Variants in ZBTB7C observed in about 807,000 individuals in gnomAD.
The protein encoded by ZBTB7C is zinc finger and BTB domain containing 7C.
In ZBTB7C, 8 loss-of-function variants were observed where a neutral mutation model predicts 25.7. That is an observed-to-expected ratio of 0.31 (90% CI 0.18 to 0.56). The LOEUF (loss-of-function observed/expected upper bound fraction) is 0.56. Among genes scored for constraint, ZBTB7C ranks in the 20% least tolerant of loss-of-function variants. The pLI, the probability that ZBTB7C is intolerant of heterozygous loss-of-function variation, is 0.91. For missense variants in ZBTB7C, 824 were observed against 855.2 expected (o/e 0.96, Z 0.46); for synonymous variants, 394 against 369.0 (o/e 1.07, Z -0.78).
At chr18:48,398,525 C>T (rs2048081364) in intron 1 of ZBTB7C, among the ~76,000 whole-genome samples, 1 of 152,170 alleles carries the variant, frequency 6.6e-6, no homozygotes, top group African/African-American at 2.4e-5. Flanking sequence ...GCACCTCACC[C>T]CAAGTCAAAG....
chr18:48,261,906 T>C (rs954422443), intron 2 of ZBTB7C, among the ~76,000 whole-genome samples: 3 of 152,368 alleles, frequency 2.0e-5, no homozygotes, highest in Admixed American at 1.3e-4. Context: ...TTGGCCTTCC[T>C]TGTACAGAAT....
intron 2 of ZBTB7C, among the ~76,000 whole-genome samples, chr18:48,329,452 C>T (rs909088733): frequency 6.6e-6 from 1 of 152,198 alleles, no homozygotes; most frequent in Non-Finnish European, 1.5e-5. Flanking sequence ...TGCTGAGGGG[C>T]TGCAGAAGGA....
At chr18:48,256,381 T>C (rs2044021027) in intron 2 of ZBTB7C, among the ~76,000 whole-genome samples, 1 of 150,514 alleles carries the variant, frequency 6.6e-6, no homozygotes, top group Non-Finnish European at 1.5e-5. Flanking sequence ...TTTAAAATAC[T>C]GAAAGAAAAA....
At chr18:48,075,338 C>T (rs2037720903) in intron 3 of ZBTB7C, among the ~76,000 whole-genome samples, 1 of 152,206 alleles carries the variant, frequency 6.6e-6, no homozygotes, top group Admixed American at 6.5e-5. Context: ...CAGATCTGCT[C>T]ATTCTTATCC....
At chr18:48,037,198 G>C (rs2036010385) in intron 4 of ZBTB7C, among the ~76,000 whole-genome samples, 1 of 152,232 alleles carries the variant, frequency 6.6e-6, no homozygotes, top group Non-Finnish European at 1.5e-5. Context: ...GGAACAAGTG[G>C]TGGGGGTGCT....
At chr18:48,052,318 G>A (rs190355082) in intron 3 of ZBTB7C, among the ~76,000 whole-genome samples, 36 of 152,322 alleles carry the variant, frequency 2.4e-4, no homozygotes, top group Non-Finnish European at 4.7e-4. Context: ...GAGTGGAAAT[G>A]GTTTAGATTT....
At chr18:48,220,116 G>C (rs1004202867) in intron 2 of ZBTB7C, among the ~76,000 whole-genome samples, 4 of 151,994 alleles carry the variant, frequency 2.6e-5, no homozygotes, top group Non-Finnish European at 5.9e-5. Context: ...TCTGGGACCA[G>C]AGATCCCAGG....
intron 2 of ZBTB7C, among the ~76,000 whole-genome samples, chr18:48,225,479 G>A (rs922915938): frequency 3.9e-5 from 6 of 152,198 alleles, no homozygotes; most frequent in South Asian, 2.1e-4. Context: ...CTCTGCTTTC[G>A]GTAGCATGGC....
At chr18:48,179,827 C>CCT (rs747481284) in intron 3 of ZBTB7C, among the ~76,000 whole-genome samples, 7 of 33,498 alleles carry the variant, frequency 2.1e-4, no homozygotes, top group Non-Finnish European at 3.2e-4. Flanking sequence ...TTCCTCCCTT[C>CCT]CCTTCAAGGA....
At chr18:48,204,975 T>TAA (rs1269750616) in intron 2 of ZBTB7C, among the ~76,000 whole-genome samples, 2 of 152,062 alleles carry the variant, frequency 1.3e-5, no homozygotes. Flanking sequence ...ACAGTGAGAA[T>TAA]AAAAAAGCAG....
chr18:48,354,593 A>G (rs1236976222), intron 1 of ZBTB7C, among the ~76,000 whole-genome samples: 2 of 152,148 alleles, frequency 1.3e-5, no homozygotes, highest in East Asian at 3.9e-4. Flanking sequence ...TTTATACCAC[A>G]TGAATAGAGC....
intron 3 of ZBTB7C, chr18:48,162,498 C>G (rs988371101): frequency 1.2e-5 from 5 of 428,150 alleles, no homozygotes; most frequent in South Asian, 8.0e-5. Flanking sequence ...CTATTATTAC[C>G]TCTTCCCCCA....
At chr18:48,364,022 C>A (rs1414842381) in intron 1 of ZBTB7C, 3 of 152,274 alleles carry the variant, frequency 2.0e-5, no homozygotes, top group Non-Finnish European at 2.9e-5. Flanking sequence ...CAGCTGCCAG[C>A]AGCTTCTCCT....
chr18:48,157,211 C>A (rs1323042424), intron 3 of ZBTB7C, among the ~76,000 whole-genome samples: 1 of 152,086 alleles, frequency 6.6e-6, no homozygotes, highest in Non-Finnish European at 1.5e-5. Context: ...GCATTAACAG[C>A]AAGAAGAATC....
At chr18:48,216,987 C>T (rs2042839524) in intron 2 of ZBTB7C, among the ~76,000 whole-genome samples, 2 of 152,104 alleles carry the variant, frequency 1.3e-5, no homozygotes, top group South Asian at 2.1e-4. Flanking sequence ...CACCAGCATG[C>T]GCAGGAAGGC....
At chr18:48,226,436 G>A (rs981716567) in intron 2 of ZBTB7C, among the ~76,000 whole-genome samples, 1 of 152,172 alleles carries the variant, frequency 6.6e-6, no homozygotes, top group African/African-American at 2.4e-5. Context: ...GTACTATGTT[G>A]AGGAGCTGAG....
intron 1 of ZBTB7C, among the ~76,000 whole-genome samples, chr18:48,406,474 C>G (rs567947136): frequency 3.3e-5 from 5 of 152,300 alleles, no homozygotes; most frequent in Non-Finnish European, 5.9e-5. Context: ...GTTTCTCCCT[C>G]TGTAATATGA....
intron 3 of ZBTB7C, among the ~76,000 whole-genome samples, chr18:48,086,858 C>A (rs906346253): frequency 1.3e-5 from 2 of 152,162 alleles, no homozygotes; most frequent in African/African-American, 4.8e-5. Flanking sequence ...TTTATTTAAT[C>A]GAACTCTGTG....
At chr18:48,377,275 C>T (rs1443474153) in intron 1 of ZBTB7C, among the ~76,000 whole-genome samples, 1 of 152,204 alleles carries the variant, frequency 6.6e-6, no homozygotes, top group Non-Finnish European at 1.5e-5. Flanking sequence ...TAAAGATGAA[C>T]AAGAGGTAGC....
Sources: allele counts gnomAD v4.1 joint callset (sites outside exome capture counted in the v4.1 genomes callset), GRCh38; gene constraint gnomAD v4.1.1; transcripts MANE v1.5; gene names NCBI Gene and HGNC (gene_info 2026-07-23, HGNC 2026-07-21).